The following ACLY variants were observed in gnomAD, a reference collection of about 807,000 sequenced individuals.
ACLY encodes the protein ATP-citrate synthase.
In ACLY, 41 loss-of-function variants were observed where a neutral mutation model predicts 133.0. The ratio of observed to expected loss-of-function variants is 0.31; its 90% CI spans 0.24 to 0.40. ACLY has a LOEUF of 0.40. Among genes scored for constraint, ACLY ranks in the 10% least tolerant of loss-of-function variants. ACLY has a pLI of 1.00. For synonymous variants in ACLY, 495 were observed against 549.3 expected, an observed-to-expected ratio of 0.90 and a Z score of 1.38; for missense variants, 1,046 against 1,453.8, an observed-to-expected ratio of 0.72 and a Z score of 4.56.
chr17:41,907,297 G>T, intron 7 of ACLY, 145 bp downstream of exon 7: 2 of 552,730 alleles, frequency 3.6e-6, no homozygotes, highest in Non-Finnish European at 6.0e-6. Flanking sequence ...ACCCCATTGA[G>T]GTTTTAAGAA....
chr17:41,902,257 G>A (rs781869714), intron 10 of ACLY, among the ~76,000 whole-genome samples: 7 of 152,190 alleles, frequency 4.6e-5, no homozygotes, highest in South Asian at 2.1e-4. Context: ...TCTGTCACCC[G>A]GGCTGGGGTG....
At chr17:41,910,131 T>C in intron 4 of ACLY, 91 bp downstream of exon 4, 1 of 1,316,752 alleles carries the variant, frequency 7.6e-7, no homozygotes, top group African/African-American at 1.5e-5. Context: ...CTGACTGTCC[T>C]CATCAGCTTG....
chr17:41,912,390 C>T (rs1255384708), intron 3 of ACLY, 30 bp downstream of exon 3: 1 of 1,607,646 alleles, frequency 6.2e-7, no homozygotes, highest in African/African-American at 1.3e-5. Context: ...TGTTACCACA[C>T]ACGTTCATCC....
rs71373466 is a variant in ACLY, at chr17:41,906,460, C to T, written c.866+68G>A. On this transcript the variant is annotated intron_variant, in intron 8 of 28. Transcript: ENST00000352035. The stretch of plus-strand genomic sequence containing the variant: ...ACCAAAGTGACAGGACCCCACCCAC[C>T]CAGGCTACACACATGTTGATGCTGG... 10,514 of 1,405,702 alleles carry T rather than the reference C, an allele frequency of 7.5e-3. 638 individuals are homozygous for T. The African/African-American group carries it at 0.13, about 17-fold the overall frequency. The allele number at this position is 1,405,702 out of a possible 1,614,324, so 87.1% of individuals were successfully genotyped here. A position where few individuals can be genotyped will look rare whatever the true frequency, so the allele number is the denominator to read the frequency against.
At chr17:41,916,379 T>G (rs1264340358) in intron 1 of ACLY, among the ~76,000 whole-genome samples, 3 of 115,924 alleles carry the variant, frequency 2.6e-5, no homozygotes, top group African/African-American at 4.1e-5. Flanking sequence ...TTTTGTTTTG[T>G]TTTTTTTTTT....
chr17:41,908,556 G>A (rs2049795382), intron 6 of ACLY, among the ~76,000 whole-genome samples: 1 of 152,206 alleles, frequency 6.6e-6, no homozygotes, highest in Non-Finnish European at 1.5e-5. Context: ...CTGAGGTCAG[G>A]AGTTCGAGAC....
chr17:41,917,435 C>T (rs973018765), intron 1 of ACLY, among the ~76,000 whole-genome samples: 8 of 152,146 alleles, frequency 5.3e-5, no homozygotes, highest in South Asian at 2.1e-4. Flanking sequence ...TTTCTGCAGA[C>T]GGGTGAGTGA....
chr17:41,885,617 C>T (rs35990081), intron 18 of ACLY, among the ~76,000 whole-genome samples: 21,906 of 152,140 alleles, frequency 0.14, 1,730 homozygotes, highest in East Asian at 0.18. Flanking sequence ...TGAACGCAGG[C>T]CCTGGCTCAG....
chr17:41,873,074 A>C (rs1374146903), intron 23 of ACLY, among the ~76,000 whole-genome samples: 1 of 152,172 alleles, frequency 6.6e-6, no homozygotes, highest in Non-Finnish European at 1.5e-5. Context: ...CCCAGCCGTC[A>C]GTCCCACGGG....
chr17:41,909,899 C>A (rs2049847203), intron 4 of ACLY, among the ~76,000 whole-genome samples, 199 bp from the exon 5 acceptor site: 3 of 152,172 alleles, frequency 2.0e-5, no homozygotes, highest in Admixed American at 2.0e-4. Flanking sequence ...AGGAAGAAGC[C>A]TCTACCCCAC....
At chr17:41,883,870 G>A (rs2048984625) in intron 19 of ACLY, among the ~76,000 whole-genome samples, 1 of 152,036 alleles carries the variant, frequency 6.6e-6, no homozygotes, top group South Asian at 2.1e-4. Context: ...TTACAGGTGT[G>A]AGCCACCATA....
chr17:41,924,766 T>C (rs2050222340), intron 1 of ACLY, among the ~76,000 whole-genome samples: 1 of 152,100 alleles, frequency 6.6e-6, no homozygotes, highest in Admixed American at 6.5e-5. Context: ...GCAGCAGTTA[T>C]CTCTCTGGGG....
Position 41,898,571 on chromosome 17 carries a change from A to G in ACLY, c.1338+60T>C, listed in dbSNP as rs566568279. The G allele has an allele frequency of 1.9e-6, 3 of 1,585,698 alleles. No homozygotes were observed. In the East Asian group the frequency reaches 6.8e-5, roughly 36 times the overall value. ...CCAGGGAACAGAGGAAGAAGACTGT[A>G]TCCTAGTGGAAAAGATGAGATGGTT... On this transcript the variant is annotated intron_variant, in intron 12 of 28. Transcript: ENST00000352035.
intron 19 of ACLY, 133 bp from the exon 20 acceptor site, chr17:41,883,365 G>T: frequency 1.5e-6 from 1 of 671,024 alleles, no homozygotes; most frequent in Non-Finnish European, 2.5e-6. Context: ...ACACAAGGAA[G>T]ATTTCTAAAG....
chr17:41,906,990 C>G (rs1184572090), intron 7 of ACLY, among the ~76,000 whole-genome samples: 2 of 152,204 alleles, frequency 1.3e-5, no homozygotes, highest in African/African-American at 4.8e-5. Context: ...ACACGTCCCC[C>G]CAACCCCAGG....
chr17:41,917,758 G>A (rs2050089445), intron 1 of ACLY, among the ~76,000 whole-genome samples: 1 of 152,060 alleles, frequency 6.6e-6, no homozygotes, highest in Non-Finnish European at 1.5e-5. Flanking sequence ...GTGTCAGAAC[G>A]GGGATGGAGC....
Position 41,868,200 on chromosome 17 carries a change from A to T in ACLY, c.3212-296T>A, listed in dbSNP as rs142864763. 8.9e-4 allele frequency among the ~76,000 whole-genome samples: 135 copies of T among 152,226 alleles called. 1 individual carries two copies. In the East Asian group the frequency reaches 0.022, roughly 25 times the overall value. On this transcript the variant is annotated intron_variant, in intron 28 of 28. Coordinates refer to ENST00000352035, the MANE Select transcript of ACLY (RefSeq NM_001096.3). ...ACGCCTGTAATCCCAGCACTTTGGG[A>T]GGCCGAGGTGGGCAGATCACGAGGT...
At chr17:41,930,495 C>A (rs2050307400) in exon 1 of ACLY, 2 of 492,038 alleles carry the variant, frequency 4.1e-6, no homozygotes, top group Admixed American at 3.4e-5. Context: ...CTAACCAGCC[C>A]AGCCGTCAGC....
chr17:41,929,410 G>A (rs1260810754), intron 1 of ACLY, among the ~76,000 whole-genome samples: 2 of 152,014 alleles, frequency 1.3e-5, no homozygotes, highest in Non-Finnish European at 2.9e-5. Context: ...CTCTACTTAC[G>A]TCTACTGGGC....
Sources: gnomAD v4.1 joint callset for allele counts (sites outside exome capture counted in the v4.1 genomes callset) on GRCh38, gnomAD v4.1.1 for gene constraint, MANE v1.5 for transcripts, NCBI Gene and HGNC (gene_info 2026-07-23, HGNC 2026-07-21) for gene names.